Variants in CSMD1 observed in about 807,000 individuals in gnomAD.
The protein encoded by CSMD1 is CUB and Sushi multiple domains 1.
In CSMD1, 213 loss-of-function variants were observed where a neutral mutation model predicts 417.5. That is an observed-to-expected ratio of 0.51 (90% CI 0.46 to 0.57). The LOEUF is 0.57. Ranked by LOEUF, CSMD1 falls within the 20% of genes least tolerant of loss-of-function variation. CSMD1 has a pLI of 0.00. For synonymous variants in CSMD1, 2,862 were observed against 1,736.8 expected (o/e 1.65, Z -16.11); for missense variants, 6,923 against 4,529.7 (o/e 1.53, Z -15.17).
At chr8:4,363,495 G>C (rs768358435) in intron 3 of CSMD1, among the ~76,000 whole-genome samples, 2 of 152,114 alleles carry the variant, frequency 1.3e-5, no homozygotes, top group Non-Finnish European at 2.9e-5. Context: ...AGGAGGAAAA[G>C]CATACTTTTA....
At chr8:4,848,238 G>A (rs1184781397) in intron 1 of CSMD1, among the ~76,000 whole-genome samples, 2 of 152,164 alleles carry the variant, frequency 1.3e-5, no homozygotes, top group Non-Finnish European at 2.9e-5. Flanking sequence ...GACTATTGGG[G>A]TGTTTCCACT....
intron 2 of CSMD1, among the ~76,000 whole-genome samples, chr8:4,562,888 C>A (rs1457060600): frequency 3.3e-5 from 5 of 152,122 alleles, no homozygotes; most frequent in African/African-American, 1.2e-4. Flanking sequence ...TAAGTAACCT[C>A]CTTTCCTTCA....
rs199617670 is a variant in CSMD1, at chr8:4,366,702, CTTTTA to C, written c.415+53246_415+53250del. ...TTACTGATGAGCGTTTTTTCTTTTT[CTTTTA>C]TTTTATTATTATTATTAGACTTTAA... is the stretch of plus-strand genomic sequence containing the variant. On this transcript the variant is annotated intron_variant, in intron 3 of 69. Transcript: ENST00000635120. Among the ~76,000 whole-genome samples, 1,046 of 151,218 alleles carry C rather than the reference CTTTTA, an allele frequency of 6.9e-3. 5 individuals carry two copies. Among genetic ancestry groups the C allele is most frequent in the South Asian group, 0.012 (57 of 4,794 alleles).
rs367841656 is a variant in CSMD1, at chr8:4,620,825, A to C, written c.302+16517T>G. Among the ~76,000 whole-genome samples, 52 of 152,022 alleles carry C rather than the reference A, an allele frequency of 3.4e-4. 1 individual carries two copies. In the South Asian group the frequency reaches 7.9e-3, roughly 23 times the overall value. On this transcript the variant is annotated intron_variant, in intron 2 of 69. Coordinates refer to ENST00000635120, the MANE Select transcript of CSMD1 (RefSeq NM_033225.6). Reference sequence around the variant, plus strand: ...AGCCAAATTAGTGACTTTATATTCCACTTAACTTATAAGAAAAAGGAGACT... The same window carrying C: ...AGCCAAATTAGTGACTTTATATTCCCCTTAACTTATAAGAAAAAGGAGACT...
At position 3,143,142 on chromosome 8, in the gene CSMD1, C is replaced by T. The variant is rs559304144; in HGVS notation, c.6032-468G>A. Among the ~76,000 whole-genome samples the T allele has an allele frequency of 2.0e-5, 3 of 152,248 alleles. No homozygotes were observed. In the South Asian group the frequency reaches 6.2e-4, roughly 32 times the overall value. On this transcript the variant is annotated intron_variant, in intron 40 of 69. Coordinates refer to ENST00000635120, the MANE Select transcript of CSMD1 (RefSeq NM_033225.6). Reference sequence around the variant, plus strand: ...CAACAATTTTGGTTTTAAAACATGCCACAGAGTTTTTTTTGTTTTTATTTT... The same window carrying T: ...CAACAATTTTGGTTTTAAAACATGCTACAGAGTTTTTTTTGTTTTTATTTT...
chr8:3,872,450 G>A (rs1461208267), intron 5 of CSMD1, among the ~76,000 whole-genome samples: 1 of 152,122 alleles, frequency 6.6e-6, no homozygotes, highest in Non-Finnish European at 1.5e-5. Context: ...GAAGCCCACT[G>A]TGCAAATGAA....
intron 1 of CSMD1, among the ~76,000 whole-genome samples, chr8:4,653,549 T>C (rs548348973): frequency 6.6e-6 from 1 of 152,230 alleles, no homozygotes; most frequent in African/African-American, 2.4e-5. Context: ...ATATCATTTC[T>C]ACTTGTTTCA....
intron 2 of CSMD1, among the ~76,000 whole-genome samples, chr8:4,421,652 A>C (rs1181696996): frequency 6.6e-6 from 1 of 152,136 alleles, no homozygotes; most frequent in Non-Finnish European, 1.5e-5. Flanking sequence ...AATATAAAAT[A>C]CAACATATTA....
At chr8:4,893,024 A>G (rs1413209980) in intron 1 of CSMD1, among the ~76,000 whole-genome samples, 1 of 152,160 alleles carries the variant, frequency 6.6e-6, no homozygotes, top group Non-Finnish European at 1.5e-5. Flanking sequence ...TGTAATTTGC[A>G]TGGTCAATGT....
chr8:4,840,277 T>G (rs1022497065), intron 1 of CSMD1, among the ~76,000 whole-genome samples: 1 of 71,820 alleles, frequency 1.4e-5, no homozygotes, highest in Admixed American at 1.6e-4. Context: ...ATTCCTGCTT[T>G]AAGATGTTTT....
chr8:4,257,275 C>G (rs1196560302), intron 3 of CSMD1, among the ~76,000 whole-genome samples: 1 of 152,076 alleles, frequency 6.6e-6, no homozygotes, highest in African/African-American at 2.4e-5. Context: ...TCTTTCTGTA[C>G]CCTTTCTGTT....
chr8:4,425,001 A>T (rs1470736759), intron 2 of CSMD1, among the ~76,000 whole-genome samples: 1 of 152,148 alleles, frequency 6.6e-6, no homozygotes, highest in Non-Finnish European at 1.5e-5. Flanking sequence ...AATGCTATTT[A>T]ATAACAAAAC....
In CSMD1 at chr8:4,347,354, C is replaced by T. The variant is rs572804570; in HGVS notation, c.415+72599G>A. Among the ~76,000 whole-genome samples, 9 of 152,202 alleles carry T rather than the reference C, an allele frequency of 5.9e-5. No homozygotes were observed. In the East Asian group the frequency reaches 1.2e-3, roughly 20 times the overall value. ...ATAGGACAAAACTACATAATATAAT[C>T]GATACTCTCTGCTCTTTGATTTCTT... On this transcript the variant is annotated intron_variant, in intron 3 of 69. Transcript: ENST00000635120.
At chr8:4,272,744 G>A (rs1456684778) in intron 3 of CSMD1, among the ~76,000 whole-genome samples, 1 of 152,068 alleles carries the variant, frequency 6.6e-6, no homozygotes, top group African/African-American at 2.4e-5. Flanking sequence ...TTTTCATTCT[G>A]TAATTCTTGA....
At chr8:3,923,678 T>A (rs530717752) in intron 5 of CSMD1, among the ~76,000 whole-genome samples, 1 of 152,298 alleles carries the variant, frequency 6.6e-6, no homozygotes, top group South Asian at 2.1e-4. Flanking sequence ...ATTCTTTTTA[T>A]CTGTAGTCAC....
chr8:4,245,361 G>T lies in CSMD1; in HGVS notation c.415+174592C>A, dbSNP rs140519923. Among the ~76,000 whole-genome samples the T allele has an allele frequency of 3.3e-5, 5 of 152,288 alleles. No individual in the cohort carries two copies. In the East Asian group the frequency reaches 5.8e-4, roughly 18 times the overall value. On this transcript the variant is annotated intron_variant, in intron 3 of 69. Coordinates refer to ENST00000635120, the MANE Select transcript of CSMD1 (RefSeq NM_033225.6). ...GAGGGTTGGGGTGGGAGGAAAGATT[G>T]CAAGTACCCAGCCTGCCTTTTCTGA...
intron 4 of CSMD1, among the ~76,000 whole-genome samples, chr8:4,023,699 G>C (rs529420803): frequency 6.5e-4 from 95 of 145,130 alleles, no homozygotes; most frequent in Middle Eastern, 4.1e-3. Flanking sequence ...CCATTCTCCT[G>C]CCTCAGCCTC....
At chr8:3,867,513 T>C (rs1366737660) in intron 5 of CSMD1, among the ~76,000 whole-genome samples, 1 of 152,196 alleles carries the variant, frequency 6.6e-6, no homozygotes, top group Non-Finnish European at 1.5e-5. Flanking sequence ...AAAACAGATA[T>C]GTTTTAATGT....
intron 3 of CSMD1, among the ~76,000 whole-genome samples, chr8:4,357,508 C>T (rs1209141711): frequency 2.0e-5 from 3 of 152,166 alleles, no homozygotes; most frequent in Admixed American, 2.0e-4. Context: ...TCCACAGTTC[C>T]TCTGCACTAC....
Sources: allele counts gnomAD v4.1 joint callset (sites outside exome capture counted in the v4.1 genomes callset), GRCh38; gene constraint gnomAD v4.1.1; transcripts MANE v1.5; gene names NCBI Gene and HGNC (gene_info 2026-07-23, HGNC 2026-07-21).